Variants in PTPRD observed in about 807,000 individuals in gnomAD.
The protein encoded by PTPRD is protein tyrosine phosphatase receptor type D.
Under a neutral mutation model 214.5 loss-of-function variants are expected in PTPRD, and 34 were observed. That is an observed-to-expected ratio of 0.16 (90% CI 0.12 to 0.21). The LOEUF is 0.21. Among genes scored for constraint, PTPRD ranks in the 10% least tolerant of loss-of-function variants. The pLI, the probability that PTPRD is intolerant of heterozygous loss-of-function variation, is 1.00. For missense variants in PTPRD, 2,545 were observed against 2,398.7 expected, an observed-to-expected ratio of 1.06 and a Z score of -1.27; for synonymous variants, 1,128 against 845.7, an observed-to-expected ratio of 1.33 and a Z score of -5.79.
intron 7 of PTPRD, among the ~76,000 whole-genome samples, chr9:9,702,651 C>T (rs575158166): frequency 9.2e-5 from 14 of 152,194 alleles, no homozygotes; most frequent in South Asian, 4.2e-4. Flanking sequence ...TTCAGAAAAA[C>T]GTGTTTCTTG....
intron 4 of PTPRD, among the ~76,000 whole-genome samples, chr9:9,947,778 A>G (rs935348742): frequency 6.8e-6 from 1 of 146,260 alleles, no homozygotes; most frequent in African/African-American, 2.5e-5. Context: ...TTTTCCTATA[A>G]CATGTATGAA....
intron 10 of PTPRD, among the ~76,000 whole-genome samples, chr9:9,121,355 G>A (rs137944637): frequency 5.9e-5 from 9 of 152,034 alleles, no homozygotes; most frequent in East Asian, 3.8e-4. Flanking sequence ...GTTATTATTC[G>A]AAAAAGATAC....
At position 8,518,395 on chromosome 9, in the gene PTPRD, G is replaced by A. The variant is rs3763653; in HGVS notation, c.996C>T (p.Thr332=). 0.11 allele frequency: 183,412 copies of A among 1,612,810 alleles called. 11,479 individuals carry two copies. Among genetic ancestry groups the A allele is most frequent in the East Asian group, 0.23 (10,437 of 44,856 alleles). The change falls in exon 21 of 46, where the codon ACC becomes ACT. Residue 332 remains threonine, a synonymous_variant. Coordinates refer to ENST00000381196, the MANE Select transcript of PTPRD (RefSeq NM_002839.4). ...GTGTGATGCTTGTAGCTGTGCTCTC[G>A]GTCACTACAGGAGTTCCTGGAGGTT... The part of the protein sequence containing the change: ...LPKPPGTPVV[T]ESTATSITLT...
intron 27 of PTPRD, among the ~76,000 whole-genome samples, chr9:8,491,479 G>A (rs1427417861): frequency 6.6e-6 from 1 of 152,050 alleles, no homozygotes; most frequent in Non-Finnish European, 1.5e-5. Context: ...GAGTTATTAT[G>A]ACATATTTAT....
intron 11 of PTPRD, among the ~76,000 whole-genome samples, chr9:8,824,554 T>C (rs544601615): frequency 6.6e-6 from 1 of 152,134 alleles, no homozygotes; most frequent in African/African-American, 2.4e-5. Context: ...TGTATTCTTA[T>C]ACAAAGAGTA....
rs572078864 is a variant in PTPRD, at chr9:9,670,571, G to A, written c.-287+63962C>T. Among the ~76,000 whole-genome samples, 141 of 152,298 alleles carry A rather than the reference G, an allele frequency of 9.3e-4. 1 individual carries two copies. Among genetic ancestry groups the A allele is most frequent in the Non-Finnish European group, 2.6e-4 (18 of 68,032 alleles). On this transcript the variant is annotated intron_variant, in intron 7 of 45. Coordinates refer to ENST00000381196, the MANE Select transcript of PTPRD (RefSeq NM_002839.4). ...TTCATGGCAGCCCCTCCCATCACAG[G>A]CCTAGATGCTTAGGAGAAAATGGTT...
chr9:10,152,555 G>C (rs2099067770), intron 3 of PTPRD, among the ~76,000 whole-genome samples: 1 of 152,286 alleles, frequency 6.6e-6, no homozygotes, highest in Admixed American at 6.5e-5. Flanking sequence ...GCCAGGTGTG[G>C]TGGCTCACGC....
intron 4 of PTPRD, among the ~76,000 whole-genome samples, chr9:9,972,305 C>T (rs890653544): frequency 1.3e-5 from 2 of 152,196 alleles, no homozygotes; most frequent in East Asian, 3.9e-4. Flanking sequence ...AAAACTTGCC[C>T]CTATTTTTGC....
intron 2 of PTPRD, among the ~76,000 whole-genome samples, chr9:10,549,156 G>T (rs1007762270): frequency 6.6e-6 from 1 of 152,110 alleles, no homozygotes; most frequent in Non-Finnish European, 1.5e-5. Context: ...TAATTGTTCT[G>T]TGTAGCATAT....
At chr9:8,319,023 G>C (rs1043531131) in intron 45 of PTPRD, among the ~76,000 whole-genome samples, 1 of 152,172 alleles carries the variant, frequency 6.6e-6, no homozygotes, top group Admixed American at 6.6e-5. Flanking sequence ...GCTTGGCTGA[G>C]TGTTAAGGCT....
intron 10 of PTPRD, among the ~76,000 whole-genome samples, chr9:9,070,007 C>T (rs1413921220): frequency 6.6e-6 from 1 of 152,182 alleles, no homozygotes; most frequent in Non-Finnish European, 1.5e-5. Context: ...TAAATCAACA[C>T]TTCACTGGAA....
intron 2 of PTPRD, among the ~76,000 whole-genome samples, chr9:10,466,604 C>G (rs570971416): frequency 1.9e-5 from 2 of 105,686 alleles, no homozygotes; most frequent in Non-Finnish European, 3.6e-5. Flanking sequence ...GCCTGGGCAA[C>G]AAGAGCGAAA....
At chr9:9,509,814 C>A (rs148702612) in intron 8 of PTPRD, among the ~76,000 whole-genome samples, 8 of 143,198 alleles carry the variant, frequency 5.6e-5, no homozygotes, top group South Asian at 2.3e-4. Context: ...AAAAAAAAAA[C>A]ATTAAAAAAT....
At chr9:8,676,588 T>G (rs892935818) in intron 12 of PTPRD, among the ~76,000 whole-genome samples, 2 of 151,838 alleles carry the variant, frequency 1.3e-5, no homozygotes, top group Non-Finnish European at 2.9e-5. Flanking sequence ...GATTGTTTGT[T>G]TTTTGATGGA....
rs1052060497 is a variant in PTPRD, at chr9:9,021,097, T to C, written c.-142-2362A>G. The stretch of plus-strand genomic sequence containing the variant: ...TCCTCAAAGGTCTCTAAATGTCTAA[T>C]TATTTAAGAGGTATTTTAAATCACT... On this transcript the variant is annotated intron_variant, in intron 10 of 45. Coordinates refer to ENST00000381196, the MANE Select transcript of PTPRD (RefSeq NM_002839.4). Among the ~76,000 whole-genome samples the C allele has an allele frequency of 2.0e-5, 3 of 152,186 alleles. No individual in the cohort carries two copies. In the South Asian group the frequency reaches 6.2e-4, roughly 31 times the overall value.
intron 7 of PTPRD, among the ~76,000 whole-genome samples, chr9:9,632,811 A>C (rs950187896): frequency 1.3e-5 from 2 of 152,160 alleles, no homozygotes; most frequent in African/African-American, 4.8e-5. Context: ...GCACTATGGG[A>C]ACTAAGAATG....
chr9:10,198,761 C>G (rs1269806486), intron 3 of PTPRD, among the ~76,000 whole-genome samples: 1 of 152,010 alleles, frequency 6.6e-6, no homozygotes, highest in Non-Finnish European at 1.5e-5. Flanking sequence ...AAAATGAATC[C>G]ATTATTCCCA....
chr9:10,213,610 T>C (rs973318106), intron 3 of PTPRD, among the ~76,000 whole-genome samples: 4 of 152,162 alleles, frequency 2.6e-5, no homozygotes, highest in African/African-American at 9.6e-5. Flanking sequence ...CTAAACCAGT[T>C]TGCATATTTC....
At chr9:9,882,625 C>T (rs7871503) in intron 5 of PTPRD, among the ~76,000 whole-genome samples, 12,913 of 152,178 alleles carry the variant, frequency 0.085, 1,313 homozygotes, top group African/African-American at 0.25. Context: ...TATAAGCCCA[C>T]TGTAAGGTGG....
Sources: allele counts gnomAD v4.1 joint callset (sites outside exome capture counted in the v4.1 genomes callset), GRCh38; gene constraint gnomAD v4.1.1; transcripts MANE v1.5; gene names NCBI Gene and HGNC (gene_info 2026-07-23, HGNC 2026-07-21).